The following WDR97 variants were observed in gnomAD, a reference collection of about 807,000 sequenced individuals.
WDR97 encodes the protein WD repeat-containing protein 97.
A neutral mutation model predicts 65.4 loss-of-function variants in WDR97; 111 were observed. The ratio of observed to expected loss-of-function variants is 1.70; its 90% confidence interval spans 1.45 to 1.99. WDR97 has a LOEUF of 1.99. Among genes scored for constraint, WDR97 ranks in the 30% most tolerant of loss-of-function variants. The pLI, the probability that WDR97 is intolerant of heterozygous loss-of-function variation, is 0.00. For missense variants in WDR97, 1,674 were observed against 865.0 expected, an observed-to-expected ratio of 1.94 and a Z score of -11.73; for synonymous variants, 802 against 397.7, an observed-to-expected ratio of 2.02 and a Z score of -12.10.
intron 15 of WDR97, 27 bp from the exon 16 acceptor site, chr8:144,113,413 A>G (rs775307953): frequency 2.9e-6 from 2 of 701,444 alleles, no homozygotes; most frequent in Middle Eastern, 5.1e-4. Context: ...CCAGGTCCTC[A>G]GCATTCCCTG....
In WDR97 at chr8:144,116,251, C is replaced by T. The variant is rs1464077242; in HGVS notation, c.4827C>T (p.Arg1609=). The T allele has an allele frequency of 1.5e-6, 1 of 670,548 alleles. No homozygotes were observed. Among genetic ancestry groups the T allele is most frequent in the Admixed American group, 2.2e-5 (1 of 44,488 alleles). 41.5% of individuals were successfully genotyped at this position (670,548 alleles called of 1,614,324 possible). The change falls in exon 24 of 24, where the codon CGC becomes CGT. Residue 1609 remains arginine (R), a synonymous_variant. Coordinates refer to ENST00000323662, the MANE Select transcript of WDR97 (RefSeq NM_001316309.2). The part of the protein sequence containing the change: ...PPRLLQPALQ[R]YFLPADADPD... ...GGCTCCTGCAGCCGGCCCTGCAGCG[C>T]TACTTTCTGCCAGCGGACGCGGACC...
At position 144,113,222 on chromosome 8, in the gene WDR97, G is replaced by C. The variant is rs1453148743; in HGVS notation, c.3106-218G>C. The C allele has an allele frequency of 5.2e-6, 3 of 580,656 alleles. No homozygotes were observed. In the African/African-American group the frequency reaches 5.7e-5, roughly 11 times the overall value. 36.0% of individuals were successfully genotyped at this position (580,656 alleles called of 1,614,324 possible). A position where few individuals can be genotyped will look rare whatever the true frequency, so the allele number is the denominator to read the frequency against. On this transcript the variant is annotated intron_variant, in intron 15 of 23. Coordinates refer to ENST00000323662, the MANE Select transcript of WDR97 (RefSeq NM_001316309.2). Reference sequence around the variant, plus strand: ...TCCAGGTTTCCCTTCTCGTTTGTCAGAGCTGATGCTCACTGAGGGCCTCGC... The same window carrying C: ...TCCAGGTTTCCCTTCTCGTTTGTCACAGCTGATGCTCACTGAGGGCCTCGC...
At position 144,111,434 on chromosome 8, in the gene WDR97, T is replaced by G. The variant is rs1277210604; in HGVS notation, c.2435T>G (p.Leu812Trp). The change falls in exon 11 of 24, where the codon TTG (leucine) becomes TGG (tryptophan). Residue 812 changes from leucine to tryptophan, a missense_variant. Transcript: ENST00000323662. Reference sequence around the variant, plus strand: ...CCTGTCCCTGTTTGCAGCGAGGCCTTGTCTCTCATCCATCGTCGGAGGGCA... The same window carrying G: ...CCTGTCCCTGTTTGCAGCGAGGCCTGGTCTCTCATCCATCGTCGGAGGGCA... ...LHGAASLSEALSLIHRRRATS... is the reference protein window; with the variant it reads ...LHGAASLSEAWSLIHRRRATS... The G allele has an allele frequency of 1.4e-6, 1 of 702,678 alleles. No homozygotes were observed. Among genetic ancestry groups the G allele is most frequent in the Non-Finnish European group, 2.6e-6 (1 of 384,954 alleles). 43.5% of individuals were successfully genotyped at this position (702,678 alleles called of 1,614,324 possible).
chr8:144,108,351 G>T lies in WDR97; in HGVS notation c.285G>T (p.Thr95=), dbSNP rs552272926. 1.7e-5 allele frequency: 12 copies of T among 695,578 alleles called. 1 individual carries two copies. Among genetic ancestry groups the T allele is most frequent in the Middle Eastern group, 2.4e-4 (1 of 4,106 alleles). 43.1% of individuals were successfully genotyped at this position (695,578 alleles called of 1,614,324 possible). A position where few individuals can be genotyped will look rare whatever the true frequency, so the allele number is the denominator to read the frequency against. The change falls in exon 3 of 24, where the codon ACG becomes ACT. Residue 95 remains threonine (T), a synonymous_variant. Coordinates refer to ENST00000323662, the MANE Select transcript of WDR97 (RefSeq NM_001316309.2). The part of the protein sequence containing the change: ...KRAELRAARL[T]HGLEPLRRLE... ...CCGAGCTGCGCGCGGCGCGCCTGAC[G>T]CATGGGCTGGAACCACTGCGCCGCC...
At chr8:144,107,970 G>A in intron 1 of WDR97, 89 bp from the exon 2 acceptor site, 1 of 701,308 alleles carries the variant, frequency 1.4e-6, no homozygotes, top group Non-Finnish European at 2.6e-6. Flanking sequence ...TCCCTGGTAG[G>A]GCAGGGCCCC....
rs779594468 is a variant in WDR97, at chr8:144,111,277, G to C, written c.2426+55G>C. On this transcript the variant is annotated intron_variant, in intron 10 of 23. Transcript: ENST00000323662. ...GAGGCCCTCCTTTCCCACTCTGGGT[G>C]GGGGCCTGGCGGTGTGGGGCCCTCT... 57 of 702,712 alleles carry C rather than the reference G, an allele frequency of 8.1e-5. No individual in the cohort carries two copies. In the African/African-American group the frequency reaches 9.2e-4, roughly 11 times the overall value. 43.5% of individuals were successfully genotyped at this position (702,712 alleles called of 1,614,324 possible).
rs1010272017 is a variant in WDR97, at chr8:144,114,357, G to T, written c.3674G>T (p.Arg1225Leu). ...ALLEKTTWVD[R>L]VHILQVLLRL... ...CTGGAGAAGACCACGTGGGTCGACC[G>T]TGTGCACATCCTGCAGGTGCTACTG... The change falls in exon 19 of 24, where the codon CGT becomes CTT. Residue 1225 changes from arginine to leucine, a missense_variant. Arg to Leu is a moderately radical substitution (Grantham distance 102). Coordinates refer to ENST00000323662, the MANE Select transcript of WDR97 (RefSeq NM_001316309.2). 1 of 702,660 alleles carries T rather than the reference G, an allele frequency of 1.4e-6. No homozygotes were observed. Among genetic ancestry groups the T allele is most frequent in the Non-Finnish European group, 2.6e-6 (1 of 384,998 alleles). 43.5% of individuals were successfully genotyped at this position (702,660 alleles called of 1,614,324 possible). A position where few individuals can be genotyped will look rare whatever the true frequency, so the allele number is the denominator to read the frequency against.
At chr8:144,111,851 G>A (rs1437326564) in intron 12 of WDR97, 36 bp from the exon 13 acceptor site, 1 of 700,684 alleles carries the variant, frequency 1.4e-6, no homozygotes, top group Non-Finnish European at 2.6e-6. Context: ...CTCCCACCTG[G>A]TCTCTGATGG....
chr8:144,116,805 C>T lies in WDR97; in HGVS notation c.*512C>T, dbSNP rs1034153841. 6.6e-6 allele frequency: 1 copy of T among 152,550 alleles called. No homozygotes were observed. Among genetic ancestry groups the T allele is most frequent in the Non-Finnish European group, 1.5e-5 (1 of 68,282 alleles). The allele number at this position is 152,550 out of a possible 1,614,324, so 9.4% of individuals were successfully genotyped here. On this transcript the variant is annotated 3_prime_UTR_variant, in exon 24 of 24. Transcript: ENST00000323662. ...GAAGAATTGACAAAGGCACCAGGAG[C>T]TTTTTTCTGAGCGGCAACGCAGAGC... is the stretch of plus-strand genomic sequence containing the variant.
chr8:144,108,098 T>G lies in WDR97; in HGVS notation c.152T>G (p.Leu51Trp). 2.8e-6 allele frequency: 2 copies of G among 702,792 alleles called. No individual in the cohort carries two copies. The highest frequency in any genetic ancestry group is 5.2e-6 in the Non-Finnish European group (2 of 384,992). 43.5% of individuals were successfully genotyped at this position (702,792 alleles called of 1,614,324 possible). Residue 51 changes from leucine to tryptophan, a missense_variant, in exon 2 of 24, where the codon TTG (leucine) becomes TGG (tryptophan). Leu to Trp is a moderately conservative substitution (Grantham distance 61, BLOSUM62 -2). Coordinates refer to ENST00000323662, the MANE Select transcript of WDR97 (RefSeq NM_001316309.2). ...GAGCCGTCGCAGGTCCTGCCCTTTTTGACCAGCAGCCAACAGTGGCAAAGC... is the reference window on the plus strand; with the variant it reads ...GAGCCGTCGCAGGTCCTGCCCTTTTGGACCAGCAGCCAACAGTGGCAAAGC... ...FTEPSQVLPF[L>W]TSSQQWQSLT... is the part of the protein sequence containing the mutation.
At chr8:144,109,258 C>T (rs1836488296) in intron 4 of WDR97, 77 bp from the exon 5 acceptor site, 1 of 699,224 alleles carries the variant, frequency 1.4e-6, no homozygotes, top group South Asian at 1.5e-5. Flanking sequence ...CCGGCCAGGC[C>T]TTGCTGCGCT....
Position 144,113,916 on chromosome 8 carries a change from G to T in WDR97, c.3408+35G>T, listed in dbSNP as rs370913060. On this transcript the variant is annotated intron_variant, in intron 17 of 23. Transcript: ENST00000323662. Reference sequence around the variant, plus strand: ...CAGGCAGAGGCCCCAGGCCACCACGGGAGGTGGGCTTACACTGAGACCCAG... The same window carrying T: ...CAGGCAGAGGCCCCAGGCCACCACGTGAGGTGGGCTTACACTGAGACCCAG... 2.5e-4 allele frequency: 172 copies of T among 687,508 alleles called. 1 individual carries two copies. In the East Asian group the frequency reaches 4.3e-3, roughly 17 times the overall value. The allele number at this position is 687,508 out of a possible 1,614,324, so 42.6% of individuals were successfully genotyped here.
chr8:144,110,205 C>T lies in WDR97; in HGVS notation c.1792C>T (p.Pro598Ser), dbSNP rs967260772. ...TGTCTTCCAAACGGAGGCGCACAGC[C>T]CGGGCCCGGTTGTCGCCATCGCATC... is the stretch of plus-strand genomic sequence containing the variant. ...KTVFQTEAHS[P>S]GPVVAIASTW... Residue 598 changes from proline (P) to serine (S), a missense_variant, in exon 6 of 24, where the codon CCG (proline) becomes TCG (serine). Pro to Ser is a moderately conservative substitution (Grantham distance 74). Coordinates refer to ENST00000323662, the MANE Select transcript of WDR97 (RefSeq NM_001316309.2). 8.5e-6 allele frequency: 6 copies of T among 702,958 alleles called. No individual in the cohort carries two copies. Among genetic ancestry groups the T allele is most frequent in the Non-Finnish European group, 1.3e-5 (5 of 384,974 alleles). 43.5% of individuals were successfully genotyped at this position (702,958 alleles called of 1,614,324 possible).
At position 144,117,046 on chromosome 8, in the gene WDR97, A is replaced by G. The variant is rs1814769338; in HGVS notation, c.*753A>G. 6.6e-6 allele frequency: 1 copy of G among 152,202 alleles called. No homozygotes were observed. The highest frequency in any genetic ancestry group is 1.5e-5 in the Non-Finnish European group (1 of 68,060). 9.4% of individuals were successfully genotyped at this position (152,202 alleles called of 1,614,324 possible). A position where few individuals can be genotyped will look rare whatever the true frequency, so the allele number is the denominator to read the frequency against. On this transcript the variant is annotated 3_prime_UTR_variant, in exon 24 of 24. Coordinates refer to ENST00000323662, the MANE Select transcript of WDR97 (RefSeq NM_001316309.2). ...TTCCCTCCTGTATCTGTAGCCTCTGACTTTACTAGTTTCTTCTTGATGGCT... is the reference window on the plus strand; with the variant it reads ...TTCCCTCCTGTATCTGTAGCCTCTGGCTTTACTAGTTTCTTCTTGATGGCT...
Position 144,109,402 on chromosome 8 carries a change from G to A in WDR97, c.1068G>A (p.Thr356=), listed in dbSNP as rs1836491842. ...TLVLSASQDG[T]LRTWDLQAAA... ...TGTTGTCGGCCTCGCAGGACGGGAC[G>A]CTACGCACCTGGGACCTGCAGGCGG... Residue 356 remains threonine (T), a synonymous_variant, in exon 5 of 24, where the codon ACG becomes ACA. Transcript: ENST00000323662. The A allele has an allele frequency of 2.8e-6, 2 of 702,420 alleles. No homozygotes were observed. Among genetic ancestry groups the A allele is most frequent in the African/African-American group, 1.7e-5 (1 of 57,258 alleles). 43.5% of individuals were successfully genotyped at this position (702,420 alleles called of 1,614,324 possible).
Position 144,113,874 on chromosome 8 carries a change from A to C in WDR97, c.3401A>C (p.Glu1134Ala). Residue 1134 changes from glutamate (E) to alanine (A), a missense_variant, in exon 17 of 24, where the codon GAG (glutamate) becomes GCG (alanine). Glu to Ala is a moderately radical substitution (Grantham distance 107, BLOSUM62 -1). Coordinates refer to ENST00000323662, the MANE Select transcript of WDR97 (RefSeq NM_001316309.2). ...CAGCAGCTGGATTCCTGGGAACTGG[A>C]GGATCAGGTAGAGGCTCAGGCAGAG... ...SNQQLDSWEL[E>A]DQSAVDWTQE... The C allele has an allele frequency of 1.4e-6, 1 of 692,592 alleles. No homozygotes were observed. The highest frequency in any genetic ancestry group is 2.6e-6 in the Non-Finnish European group (1 of 378,524). 42.9% of individuals were successfully genotyped at this position (692,592 alleles called of 1,614,324 possible).
In WDR97 at chr8:144,108,490, G is replaced by A. The variant is rs1836464033; in HGVS notation, c.424G>A (p.Glu142Lys). Residue 142 changes from glutamate (E) to lysine (K), a missense_variant, in exon 3 of 24, where the codon GAG becomes AAG. Coordinates refer to ENST00000323662, the MANE Select transcript of WDR97 (RefSeq NM_001316309.2). ...GCACAAGGAAGACGGCTGGGCACAG[G>A]AGACGCTGCTGGCGCCTGTCCGGCT... The part of the protein sequence containing the change: ...HLHKEDGWAQ[E>K]TLLAPVRLTG... 2 of 700,812 alleles carry A rather than the reference G, an allele frequency of 2.9e-6. No individual in the cohort carries two copies. The highest frequency in any genetic ancestry group is 3.0e-5 in the South Asian group (2 of 67,520). The allele number at this position is 700,812 out of a possible 1,614,324, so 43.4% of individuals were successfully genotyped here. A position where few individuals can be genotyped will look rare whatever the true frequency, so the allele number is the denominator to read the frequency against.
rs143515279 is a variant in WDR97, at chr8:144,110,132, G to A, written c.1719G>A (p.Gly573=). 1.8e-3 allele frequency: 1,278 copies of A among 702,726 alleles called. 8 individuals are homozygous for A. In the African/African-American group the frequency reaches 0.02, roughly 11 times the overall value. 43.5% of individuals were successfully genotyped at this position (702,726 alleles called of 1,614,324 possible). Residue 573 remains glycine (G), a synonymous_variant, in exon 6 of 24, where the codon GGG becomes GGA. Transcript: ENST00000323662. ...KNKNRYLPVV[G]HTDGTLSVLE... Reference sequence around the variant, plus strand: ...CTCGCAGGTACCTGCCAGTGGTGGGGCACACGGACGGCACGCTGTCGGTGC... The same window carrying A: ...CTCGCAGGTACCTGCCAGTGGTGGGACACACGGACGGCACGCTGTCGGTGC...
Position 144,111,648 on chromosome 8 carries a change from T to G in WDR97, c.2504T>G (p.Val835Gly), listed in dbSNP as rs1836551135. ...CTGACTCAGGACTTGGACGCCATAG[T>G]GGCCCGGGACCGAGACCTTCAGCAG... is the stretch of plus-strand genomic sequence containing the variant. ...LVPKEDLDAI[V>G]ARDRDLQQLR... is the part of the protein sequence containing the mutation. Residue 835 changes from valine to glycine, a missense_variant, in exon 12 of 24, where the codon GTG becomes GGG. Val to Gly is a moderately radical substitution (Grantham distance 109). Transcript: ENST00000323662. The G allele has an allele frequency of 2.9e-6, 2 of 693,276 alleles. No homozygotes were observed. The highest frequency in any genetic ancestry group is 5.3e-6 in the Non-Finnish European group (2 of 379,364). 42.9% of individuals were successfully genotyped at this position (693,276 alleles called of 1,614,324 possible). A position where few individuals can be genotyped will look rare whatever the true frequency, so the allele number is the denominator to read the frequency against.
Sources: allele counts gnomAD v4.1 joint callset, GRCh38; gene constraint gnomAD v4.1.1; transcripts MANE v1.5; gene names NCBI Gene and HGNC (gene_info 2026-07-23, HGNC 2026-07-21).